Variants in DPEP1 observed in about 807,000 individuals in gnomAD.
DPEP1 encodes the protein beta-lactamase.
In DPEP1, 50 loss-of-function variants were observed where a neutral mutation model predicts 42.3. The observed-to-expected ratio is 1.18, with a 90% CI of 0.94 to 1.50. DPEP1 has a LOEUF of 1.50. Ranked by LOEUF, DPEP1 falls within the 40% of genes most tolerant of loss-of-function variation. The pLI is 0.00. For missense variants in DPEP1, 663 were observed against 553.0 expected (o/e 1.20, Z -1.99); for synonymous variants, 297 against 234.0 (o/e 1.27, Z -2.46).
In DPEP1 at chr16:89,623,290, T is replaced by TAA. The variant is rs34805151; in HGVS notation, c.-106-7003_-106-7002dup. ...GGCAGCATAGCAAAACCCCATCTCGTAAAAAAAAAAAAATGCTCATGCCTT... is the reference window on the plus strand; with the variant it reads ...GGCAGCATAGCAAAACCCCATCTCGTAAAAAAAAAAAAAAATGCTCATGCCTT... On this transcript the variant is annotated intron_variant, in intron 1 of 10. Coordinates refer to ENST00000690203, the MANE Select transcript of DPEP1 (RefSeq NM_001389466.1). 1.8e-4 allele frequency among the ~76,000 whole-genome samples: 25 copies of TAA among 142,490 alleles called. 1 individual carries two copies. The East Asian group carries it at 2.0e-3, about 12-fold the overall frequency. 93.5% of individuals were successfully genotyped at this position (142,490 alleles called of 152,430 possible).
chr16:89,636,068 C>T lies in DPEP1; in HGVS notation c.237+28C>T, dbSNP rs550230478. 3.4e-5 allele frequency: 54 copies of T among 1,592,376 alleles called. No homozygotes were observed. In the Middle Eastern group the frequency reaches 8.4e-4, roughly 25 times the overall value. On this transcript the variant is annotated intron_variant, in intron 3 of 10. Coordinates refer to ENST00000690203, the MANE Select transcript of DPEP1 (RefSeq NM_001389466.1). ...ACCGCCTGCCCTGCCTTGTGCTTGC[C>T]CTGTGTGGGGTCATCCCGTCTCCTA... is the stretch of plus-strand genomic sequence containing the variant.
chr16:89,640,102 C>T (rs1173296809), downstream of DPEP1, among the ~76,000 whole-genome samples: 1 of 152,210 alleles, frequency 6.6e-6, no homozygotes, highest in Non-Finnish European at 1.5e-5. Flanking sequence ...CTGCCCAGCA[C>T]CAGGTCCTCC....
chr16:89,637,455 CCTT>C lies in DPEP1; in HGVS notation c.769-9_769-7del, dbSNP rs763501330. The stretch of plus-strand genomic sequence containing the variant: ...CCAGCTCTCAGCTTCACCCTGTCTT[CCTT>C]CTTGTGCAGAAACAGACAGACAGCC... On this transcript the variant is annotated splice_polypyrimidine_tract_variant and intron_variant, in intron 7 of 10. Transcript: ENST00000690203. The C allele has an allele frequency of 3.7e-6, 6 of 1,612,728 alleles. No individual in the cohort carries two copies. In the East Asian group the frequency reaches 6.7e-5, roughly 18 times the overall value.
Position 89,636,594 on chromosome 16 carries a change from C to G in DPEP1, c.432C>G (p.His144Gln), listed in dbSNP as rs767726090. Residue 144 changes from histidine to glutamine, a missense_variant, in exon 5 of 11, where the codon CAC becomes CAG. Coordinates refer to ENST00000690203, the MANE Select transcript of DPEP1 (RefSeq NM_001389466.1). ...VASLIGVEGG[H>Q]SIDSSLGVLR... ...GCCTGATCGGCGTGGAGGGCGGCCACTCCATTGACAGCAGTTTGGGCGTCC... is the reference window on the plus strand; with the variant it reads ...GCCTGATCGGCGTGGAGGGCGGCCAGTCCATTGACAGCAGTTTGGGCGTCC... 4 of 1,612,556 alleles carry G rather than the reference C, an allele frequency of 2.5e-6. No individual in the cohort carries two copies. Among genetic ancestry groups the G allele is most frequent in the Admixed American group, 3.3e-5 (2 of 59,998 alleles).
downstream of DPEP1, among the ~76,000 whole-genome samples, chr16:89,639,795 C>T (rs1467512200): frequency 6.6e-6 from 1 of 152,076 alleles, no homozygotes; most frequent in Non-Finnish European, 1.5e-5. Context: ...AAGTAATTCT[C>T]CTGTCTCGGC....
At chr16:89,639,539 GCA>G (rs138748998), downstream of DPEP1, among the ~76,000 whole-genome samples, 1,069 of 86,454 alleles carry the variant, frequency 0.012, 14 homozygotes, top group African/African-American at 0.022. Flanking sequence ...CCCCACCTCT[GCA>G]CACACACACA....
intron 1 of DPEP1, among the ~76,000 whole-genome samples, chr16:89,626,976 G>A (rs533091534): frequency 9.3e-5 from 14 of 151,348 alleles, no homozygotes; most frequent in African/African-American, 3.2e-4. Flanking sequence ...TTAGTCAGAC[G>A]TGGGGCCAGG....
chr16:89,621,697 G>A (rs1216678307), intron 1 of DPEP1, among the ~76,000 whole-genome samples: 2 of 152,230 alleles, frequency 1.3e-5, no homozygotes, highest in African/African-American at 2.4e-5. Flanking sequence ...GCAGGTGCGC[G>A]TGTGCGGCTC....
chr16:89,632,707 C>A (rs887902531), intron 2 of DPEP1, among the ~76,000 whole-genome samples: 1 of 152,166 alleles, frequency 6.6e-6, no homozygotes, highest in East Asian at 1.9e-4. Context: ...GCAGGCAGGG[C>A]CTCCCTCCCA....
chr16:89,615,680 A>G (rs2059373763), intron 1 of DPEP1, among the ~76,000 whole-genome samples: 2 of 152,188 alleles, frequency 1.3e-5, no homozygotes, highest in Admixed American at 6.5e-5. Flanking sequence ...CCCGCCTTGC[A>G]GGACCCCGCG....
At chr16:89,625,042 G>A (rs539697899) in intron 1 of DPEP1, among the ~76,000 whole-genome samples, 228 of 152,310 alleles carry the variant, frequency 1.5e-3, no homozygotes, top group African/African-American at 5.3e-3. Context: ...GCTACTGGGC[G>A]TGGGGCTCTT....
At chr16:89,627,142 G>T (rs1053813114) in intron 1 of DPEP1, among the ~76,000 whole-genome samples, 1 of 151,858 alleles carries the variant, frequency 6.6e-6, no homozygotes, top group Non-Finnish European at 1.5e-5. Flanking sequence ...GCGTGGTGGC[G>T]GGCGCCTGTA....
At chr16:89,627,852 G>A (rs1251342499) in intron 1 of DPEP1, among the ~76,000 whole-genome samples, 1 of 151,662 alleles carries the variant, frequency 6.6e-6, no homozygotes, top group Admixed American at 6.6e-5. Context: ...TAGAGAAGGG[G>A]TTTCACCATG....
chr16:89,641,461 A>G (rs937198206), downstream of DPEP1, among the ~76,000 whole-genome samples: 6 of 152,210 alleles, frequency 3.9e-5, no homozygotes, highest in Admixed American at 2.0e-4. Flanking sequence ...CTGTCTCTGT[A>G]TGGCCTGGTT....
chr16:89,631,102 C>T (rs991091700), intron 2 of DPEP1, among the ~76,000 whole-genome samples: 23 of 152,076 alleles, frequency 1.5e-4, no homozygotes, highest in East Asian at 5.8e-4. Context: ...GCAGCAGGTG[C>T]GGGTGGCACC....
chr16:89,614,586 A>G (rs1487799559), intron 1 of DPEP1, among the ~76,000 whole-genome samples: 1 of 152,084 alleles, frequency 6.6e-6, no homozygotes, highest in African/African-American at 2.4e-5. Context: ...TGAGGTCAGG[A>G]GATCGAGACC....
intron 1 of DPEP1, among the ~76,000 whole-genome samples, 167 bp downstream of exon 1, chr16:89,613,886 G>A (rs1189496925): frequency 6.7e-6 from 1 of 149,766 alleles, no homozygotes; most frequent in Non-Finnish European, 1.5e-5. Flanking sequence ...CCAGGTGTGT[G>A]CGGCAGGGGA....
intron 1 of DPEP1, among the ~76,000 whole-genome samples, chr16:89,615,039 A>G (rs1035678171): frequency 1.3e-5 from 2 of 152,132 alleles, no homozygotes; most frequent in South Asian, 2.1e-4. Flanking sequence ...GTCTGACCCC[A>G]TGGAGAAGCT....
At chr16:89,638,940 A>C (rs111218455), downstream of DPEP1, among the ~76,000 whole-genome samples, 1 of 17,762 alleles carries the variant, frequency 5.6e-5, no homozygotes, top group African/African-American at 2.7e-4. Context: ...ACACACACAT[A>C]CCCCACCCCT....
Sources: allele counts gnomAD v4.1 joint callset (sites outside exome capture counted in the v4.1 genomes callset), GRCh38; gene constraint gnomAD v4.1.1; transcripts MANE v1.5; gene names NCBI Gene and HGNC (gene_info 2026-07-23, HGNC 2026-07-21).